Variants in NKAIN2 observed in about 807,000 individuals in gnomAD.
NKAIN2 encodes the protein sodium/potassium-transporting ATPase subunit beta-1-interacting protein 2.
A neutral mutation model predicts 32.6 loss-of-function variants in NKAIN2; 14 were observed. The observed-to-expected ratio is 0.43, with a 90% CI of 0.28 to 0.67. The LOEUF (loss-of-function observed/expected upper bound fraction) is 0.67, where lower values mean the gene tolerates loss of function less well. NKAIN2 is among the 30% of genes least tolerant of loss of function. NKAIN2 has a pLI of 0.17. For synonymous variants in NKAIN2, 80 were observed against 87.2 expected, an observed-to-expected ratio of 0.92 and a Z score of 0.46; for missense variants, 198 against 258.3, an observed-to-expected ratio of 0.77 and a Z score of 1.60.
intron 1 of NKAIN2, among the ~76,000 whole-genome samples, chr6:123,859,604 T>C (rs1262656923): frequency 6.6e-6 from 1 of 152,202 alleles, no homozygotes; most frequent in African/African-American, 2.4e-5. Flanking sequence ...CATCCATTGG[T>C]CCTGTTATCT....
intron 2 of NKAIN2, among the ~76,000 whole-genome samples, chr6:124,323,777 A>ATTTTCTTTTTTTTTTTTTTTTTT (rs1237658485): frequency 1.7e-5 from 2 of 115,496 alleles, no homozygotes; most frequent in East Asian, 3.6e-4. Context: ...AATTCTTTTA[A>ATTTTCTTTTTTTTTTTTTTTTTT]TTTTTTCTTT....
intron 3 of NKAIN2, among the ~76,000 whole-genome samples, chr6:124,606,521 T>C (rs1782505145): frequency 3.3e-5 from 5 of 152,140 alleles, no homozygotes; most frequent in African/African-American, 7.2e-5. Flanking sequence ...ACAACATTTA[T>C]CTGCAACTTC....
At chr6:124,528,039 T>C (rs1232461425) in intron 3 of NKAIN2, among the ~76,000 whole-genome samples, 1 of 152,180 alleles carries the variant, frequency 6.6e-6, no homozygotes, top group Non-Finnish European at 1.5e-5. Context: ...GTTGAAACTC[T>C]ATCTGAAGGT....
chr6:124,022,229 C>CT (rs1248046006), intron 1 of NKAIN2, among the ~76,000 whole-genome samples: 1 of 152,036 alleles, frequency 6.6e-6, no homozygotes, highest in Non-Finnish European at 1.5e-5. Context: ...TGAACTCATC[C>CT]TTTTTTATGG....
intron 1 of NKAIN2, among the ~76,000 whole-genome samples, chr6:123,904,426 C>T (rs1774756727): frequency 6.6e-6 from 1 of 152,168 alleles, no homozygotes; most frequent in South Asian, 2.1e-4. Flanking sequence ...TGTCTATCAT[C>T]TTCCTGCTTT....
intron 1 of NKAIN2, among the ~76,000 whole-genome samples, chr6:124,079,733 TA>T (rs935018123): frequency 1.3e-5 from 2 of 152,250 alleles, no homozygotes; most frequent in Admixed American, 6.5e-5. Context: ...TGTGTCAGTT[TA>T]AAACTTCTTG....
At chr6:124,465,173 A>C (rs1465940497) in intron 3 of NKAIN2, among the ~76,000 whole-genome samples, 1 of 152,162 alleles carries the variant, frequency 6.6e-6, no homozygotes, top group South Asian at 2.1e-4. Context: ...CTATAAAGAC[A>C]CATGCACATG....
intron 2 of NKAIN2, among the ~76,000 whole-genome samples, chr6:124,334,228 C>T (rs539780062): frequency 6.6e-6 from 1 of 152,288 alleles, no homozygotes; most frequent in South Asian, 2.1e-4. Flanking sequence ...TACCAGAACC[C>T]TTGAGCCCAA....
intron 1 of NKAIN2, among the ~76,000 whole-genome samples, chr6:124,040,338 A>G (rs904701546): frequency 6.6e-6 from 1 of 151,678 alleles, no homozygotes; most frequent in Non-Finnish European, 1.5e-5. Context: ...TTCATTTTGC[A>G]GTTCTTTTTA....
At chr6:124,135,057 A>G (rs1786669966) in intron 1 of NKAIN2, among the ~76,000 whole-genome samples, 3 of 152,008 alleles carry the variant, frequency 2.0e-5, no homozygotes, top group Admixed American at 2.0e-4. Context: ...AAAGAGAGAG[A>G]AGGTCACAAA....
chr6:124,490,983 TCATTAGACACATAC>T (rs1777840421), intron 3 of NKAIN2, among the ~76,000 whole-genome samples: 1 of 151,972 alleles, frequency 6.6e-6, no homozygotes, highest in African/African-American at 2.4e-5. Context: ...TCTGTTGTTT[TCATTAGACACATAC>T]CAAGTATCAG....
intron 3 of NKAIN2, among the ~76,000 whole-genome samples, chr6:124,391,744 A>T (rs1773151360): frequency 6.6e-6 from 1 of 152,140 alleles, no homozygotes; most frequent in African/African-American, 2.4e-5. Flanking sequence ...ATAATGTGAA[A>T]AGACCGAGTC....
At chr6:124,122,249 T>C (rs542867216) in intron 1 of NKAIN2, among the ~76,000 whole-genome samples, 4 of 152,180 alleles carry the variant, frequency 2.6e-5, no homozygotes, top group African/African-American at 9.6e-5. Context: ...GATATAAAGT[T>C]GAGATCACGT....
chr6:124,341,364 A>G (rs997067939), intron 2 of NKAIN2, among the ~76,000 whole-genome samples: 6 of 152,168 alleles, frequency 3.9e-5, no homozygotes, highest in Admixed American at 2.6e-4. Context: ...CAAGATTCCC[A>G]TTTCATTTAA....
At chr6:124,243,257 G>A (rs1793209178) in intron 1 of NKAIN2, among the ~76,000 whole-genome samples, 1 of 151,960 alleles carries the variant, frequency 6.6e-6, no homozygotes, top group African/African-American at 2.4e-5. Flanking sequence ...CACTTTGGGA[G>A]GCCCAGGCAG....
At chr6:124,428,866 A>G (rs1775088939) in intron 3 of NKAIN2, among the ~76,000 whole-genome samples, 1 of 152,104 alleles carries the variant, frequency 6.6e-6, no homozygotes, top group Non-Finnish European at 1.5e-5. Flanking sequence ...TGGGGTGTGT[A>G]TAAGAGGGGT....
chr6:124,520,429 G>A (rs1487858048), intron 3 of NKAIN2, among the ~76,000 whole-genome samples: 1 of 152,056 alleles, frequency 6.6e-6, no homozygotes, highest in Non-Finnish European at 1.5e-5. Flanking sequence ...ATTTTGAGTA[G>A]GCTATTAATA....
rs188142389 is a variant in NKAIN2 at position 124,621,275 on chromosome 6, T to C, written c.274-36911T>C. Among the ~76,000 whole-genome samples the C allele has an allele frequency of 5.9e-5, 9 of 152,348 alleles. No individual in the cohort carries two copies. In the East Asian group the frequency reaches 1.7e-3, roughly 29 times the overall value. ...ATAGGATACTAATATTTATAAAGTA[T>C]ACACTGCATTTCTGGAATTATACTA... On this transcript the variant is annotated intron_variant, in intron 3 of 6. Transcript: ENST00000368417.
chr6:123,842,184 C>T (rs1391123762), intron 1 of NKAIN2, among the ~76,000 whole-genome samples: 1 of 152,086 alleles, frequency 6.6e-6, no homozygotes, highest in Non-Finnish European at 1.5e-5. Flanking sequence ...AAATTTGTGG[C>T]ACGTATTAGT....
Sources: gnomAD v4.1 joint callset for allele counts (sites outside exome capture counted in the v4.1 genomes callset) on GRCh38, gnomAD v4.1.1 for gene constraint, MANE v1.5 for transcripts, NCBI Gene and HGNC (gene_info 2026-07-23, HGNC 2026-07-21) for gene names.